PHYHIPL: variants seen among roughly 807,000 people sequenced by gnomAD.
PHYHIPL encodes phytanoyl-CoA 2-hydroxylase interacting protein like, also known as phytanoyl-CoA hydroxylase-interacting protein-like.
In PHYHIPL, 9 loss-of-function variants were observed where a neutral mutation model predicts 33.4. That is an observed-to-expected ratio of 0.27 (90% confidence interval 0.16 to 0.47). The LOEUF (loss-of-function observed/expected upper bound fraction) is 0.47, where lower values mean the gene tolerates loss of function less well. Among genes scored for constraint, PHYHIPL ranks in the 20% least tolerant of loss-of-function variants. The probability of loss-of-function intolerance (pLI) is 0.99; values close to 1 mark genes in which losing one functional copy is unlikely to be tolerated. For synonymous variants in PHYHIPL, 153 were observed against 154.1 expected (o/e 0.99, Z 0.05); for missense variants, 365 against 460.7 (o/e 0.79, Z 1.90).
chr10:59,241,773 A>ACAT (rs971555723), intron 4 of PHYHIPL, among the ~76,000 whole-genome samples: 1 of 152,160 alleles, frequency 6.6e-6, no homozygotes, highest in African/African-American at 2.4e-5. Context: ...TATTTCGCCC[A>ACAT]CATCTATCTA....
At chr10:59,180,314 G>GTATGTA (rs1491252242) in intron 1 of PHYHIPL, among the ~76,000 whole-genome samples, 5 of 86,154 alleles carry the variant, frequency 5.8e-5, no homozygotes, top group African/African-American at 1.6e-4. Flanking sequence ...TATAGAAAAA[G>GTATGTA]TATATATATA....
At chr10:59,214,871 G>A (rs959533553) in intron 1 of PHYHIPL, among the ~76,000 whole-genome samples, 1 of 151,976 alleles carries the variant, frequency 6.6e-6, no homozygotes, top group African/African-American at 2.4e-5. Context: ...AATTTTTGAA[G>A]AAATGGTTGA....
At position 59,246,461 on chromosome 10, in the gene PHYHIPL, T is replaced by G; in HGVS notation, c.*870T>G. ...TCCAAACTATAAGAGAATGTGAATT[T>G]CTTCAACATCATACTTAAACATTAC... is the stretch of plus-strand genomic sequence containing the variant. On this transcript the variant is annotated 3_prime_UTR_variant, in exon 5 of 5. Coordinates refer to ENST00000373880, the MANE Select transcript of PHYHIPL (RefSeq NM_032439.4). 5.2e-6 allele frequency: 2 copies of G among 381,560 alleles called. No homozygotes were observed. The highest frequency in any genetic ancestry group is 9.3e-6 in the Non-Finnish European group (2 of 215,058). 23.6% of individuals were successfully genotyped at this position (381,560 alleles called of 1,614,324 possible).
At chr10:59,199,123 T>C (rs1839017923) in intron 1 of PHYHIPL, among the ~76,000 whole-genome samples, 1 of 152,202 alleles carries the variant, frequency 6.6e-6, no homozygotes, top group Non-Finnish European at 1.5e-5. Flanking sequence ...AGACATGAAG[T>C]CCTTGCCCAT....
At position 59,176,932 on chromosome 10, in the gene PHYHIPL, G is replaced by C; in HGVS notation, c.79G>C (p.Glu27Gln). ...CEEVIKNLSL[E>Q]AIQLCDRDGN... The stretch of plus-strand genomic sequence containing the variant: ...GGAGGTGATCAAAAACCTCAGCCTG[G>C]AGGCCATTCAGCTGTGCGACCGGGA... Residue 27 changes from glutamate (E) to glutamine (Q), a missense_variant, in exon 1 of 5, where the codon GAG becomes CAG. Coordinates refer to ENST00000373880, the MANE Select transcript of PHYHIPL (RefSeq NM_032439.4). 6.2e-7 allele frequency: 1 copy of C among 1,613,676 alleles called. No individual in the cohort carries two copies. The highest frequency in any genetic ancestry group is 8.5e-7 in the Non-Finnish European group (1 of 1,179,826).
chr10:59,224,606 T>C (rs565318545), intron 1 of PHYHIPL, among the ~76,000 whole-genome samples: 2 of 152,334 alleles, frequency 1.3e-5, no homozygotes, highest in South Asian at 2.1e-4. Context: ...GAAGTTTTCA[T>C]TGGCCTTCTG....
At chr10:59,224,322 A>G (rs1839859215) in intron 1 of PHYHIPL, among the ~76,000 whole-genome samples, 1 of 152,024 alleles carries the variant, frequency 6.6e-6, no homozygotes, top group Non-Finnish European at 1.5e-5. Context: ...TTTGATGCCC[A>G]TGGAGAAGAG....
intron 1 of PHYHIPL, among the ~76,000 whole-genome samples, chr10:59,222,872 T>C (rs1564454480): frequency 6.6e-6 from 1 of 152,280 alleles, no homozygotes; most frequent in South Asian, 2.1e-4. Flanking sequence ...ATAACATTTA[T>C]TGTCTACTAC....
At chr10:59,198,283 A>G (rs996642259) in intron 1 of PHYHIPL, among the ~76,000 whole-genome samples, 17 of 150,874 alleles carry the variant, frequency 1.1e-4, no homozygotes, top group African/African-American at 3.9e-4. Context: ...ATTCCCACCT[A>G]TGAGTGAGAA....
intron 4 of PHYHIPL, among the ~76,000 whole-genome samples, chr10:59,240,800 T>C (rs747680269): frequency 2.8e-4 from 42 of 152,106 alleles, no homozygotes; most frequent in Admixed American, 1.2e-3. Flanking sequence ...CTCTCTGTGA[T>C]TTTTCTCTGT....
In PHYHIPL at chr10:59,245,667, A is replaced by G; in HGVS notation, c.*76A>G. The stretch of plus-strand genomic sequence containing the variant: ...TGGTCCTCTGTTGTCCATTTTTATC[A>G]CCAGATGTTTTCCACTGAAGCATGC... On this transcript the variant is annotated 3_prime_UTR_variant, in exon 5 of 5. Coordinates refer to ENST00000373880, the MANE Select transcript of PHYHIPL (RefSeq NM_032439.4). 6.9e-7 allele frequency: 1 copy of G among 1,449,610 alleles called. No homozygotes were observed. Among genetic ancestry groups the G allele is most frequent in the Admixed American group, 2.3e-5 (1 of 43,908 alleles). 89.8% of individuals were successfully genotyped at this position (1,449,610 alleles called of 1,614,324 possible).
chr10:59,197,975 G>T (rs1838967672), intron 1 of PHYHIPL, among the ~76,000 whole-genome samples: 1 of 152,090 alleles, frequency 6.6e-6, no homozygotes, highest in South Asian at 2.1e-4. Context: ...CTTGTGGTAT[G>T]GAGCACAGAG....
At chr10:59,243,775 AAAG>A in intron 4 of PHYHIPL, among the ~76,000 whole-genome samples, 1 of 152,254 alleles carries the variant, frequency 6.6e-6, no homozygotes, top group Non-Finnish European at 1.5e-5. Context: ...ACAACAAAAA[AAAG>A]AAGGCAGCAC....
chr10:59,240,402 T>TA, intron 4 of PHYHIPL, among the ~76,000 whole-genome samples: 1 of 152,104 alleles, frequency 6.6e-6, no homozygotes, highest in South Asian at 2.1e-4. Context: ...ACACCTAACT[T>TA]ACAAAACATC....
Position 59,180,306 on chromosome 10 carries a change from T to C in PHYHIPL, c.106+3347T>C, listed in dbSNP as rs959121869. 9.8e-5 allele frequency among the ~76,000 whole-genome samples: 11 copies of C among 112,716 alleles called. No homozygotes were observed. The South Asian group carries it at 2.0e-3, about 21-fold the overall frequency. 73.9% of individuals were successfully genotyped at this position (112,716 alleles called of 152,430 possible). A position where few individuals can be genotyped will look rare whatever the true frequency, so the allele number is the denominator to read the frequency against. On this transcript the variant is annotated intron_variant, in intron 1 of 4. Transcript: ENST00000373880. ...CACACACATATATAATATATATATA[T>C]AGAAAAAGTATATATATATATATAT...
At chr10:59,196,473 G>A (rs1440534812) in intron 1 of PHYHIPL, among the ~76,000 whole-genome samples, 1 of 148,228 alleles carries the variant, frequency 6.7e-6, no homozygotes, top group African/African-American at 2.5e-5. Context: ...GGAGTGCAGT[G>A]GTGTGAATCT....
chr10:59,243,989 A>G (rs1403554884), intron 4 of PHYHIPL, among the ~76,000 whole-genome samples: 1 of 152,176 alleles, frequency 6.6e-6, no homozygotes, highest in Non-Finnish European at 1.5e-5. Flanking sequence ...GTTATGAAGA[A>G]TGCAGCCCTG....
chr10:59,174,151 C>A (rs1474181523), upstream of PHYHIPL, among the ~76,000 whole-genome samples: 4 of 151,772 alleles, frequency 2.6e-5, no homozygotes, highest in Non-Finnish European at 5.9e-5. Flanking sequence ...TTTCCCACAC[C>A]AATCTGGATA....
intron 1 of PHYHIPL, among the ~76,000 whole-genome samples, chr10:59,232,395 T>C (rs1256973406): frequency 6.6e-6 from 1 of 151,916 alleles, no homozygotes; most frequent in Non-Finnish European, 1.5e-5. Context: ...TTGTTCCCAA[T>C]GGGAAAAATA....
Sources: allele counts gnomAD v4.1 joint callset (sites outside exome capture counted in the v4.1 genomes callset), GRCh38; gene constraint gnomAD v4.1.1; transcripts MANE v1.5; gene names NCBI Gene and HGNC (gene_info 2026-07-23, HGNC 2026-07-21).